Variants in NANP observed in about 807,000 individuals in gnomAD.
The protein encoded by NANP is N-acylneuraminate-9-phosphatase.
A neutral mutation model predicts 16.9 loss-of-function variants in NANP; 15 were observed. That is an observed-to-expected ratio of 0.89 (90% CI 0.59 to 1.37). The LOEUF (loss-of-function observed/expected upper bound fraction) is 1.37. Among genes scored for constraint, NANP ranks in the 40% most tolerant of loss-of-function variants. The probability of loss-of-function intolerance (pLI) is 0.00; values close to 1 mark genes in which losing one functional copy is unlikely to be tolerated. For missense variants in NANP, 290 were observed against 303.5 expected (o/e 0.96, Z 0.33); for synonymous variants, 135 against 112.6 (o/e 1.20, Z -1.26).
intron 1 of NANP, among the ~76,000 whole-genome samples, chr20:25,618,327 T>A (rs961919207): frequency 5.3e-5 from 8 of 152,002 alleles, no homozygotes; most frequent in African/African-American, 1.9e-4. Flanking sequence ...AAAGCGGGTT[T>A]GGGAAGAGAA....
At chr20:25,617,728 G>T (rs1221570813) in intron 1 of NANP, among the ~76,000 whole-genome samples, 2 of 152,184 alleles carry the variant, frequency 1.3e-5, no homozygotes, top group Admixed American at 1.3e-4. Context: ...TGTTGGCCAG[G>T]CTAGCCTCGA....
intron 1 of NANP, among the ~76,000 whole-genome samples, chr20:25,620,707 G>C (rs1001287440): frequency 3.3e-5 from 5 of 152,182 alleles, no homozygotes; most frequent in African/African-American, 1.2e-4. Flanking sequence ...CGGGTTCCAA[G>C]ATAAGGAGTC....
Position 25,623,922 on chromosome 20 carries a change from A to T in NANP, c.27T>A (p.Val9=). 6.2e-7 allele frequency: 1 copy of T among 1,613,290 alleles called. No homozygotes were observed. The highest frequency in any genetic ancestry group is 2.2e-5 in the East Asian group (1 of 44,816). MGLSRVRA[V]FFDLDNTLID... is the part of the protein sequence containing the mutation. Reference sequence around the variant, plus strand: ...TGAGAGTGTTGTCCAAGTCAAAGAAAACCGCCCGCACGCGGCTCAGCCCCA... The same window carrying T: ...TGAGAGTGTTGTCCAAGTCAAAGAATACCGCCCGCACGCGGCTCAGCCCCA... The change falls in exon 1 of 2, where the codon GTT becomes GTA. Residue 9 remains valine (V), a synonymous_variant. Coordinates refer to ENST00000304788, the MANE Select transcript of NANP (RefSeq NM_152667.3).
chr20:25,613,961 T>G lies in NANP; in HGVS notation c.*1964A>C, dbSNP rs1330793522. 2.5e-6 allele frequency: 1 copy of G among 397,460 alleles called. No individual in the cohort carries two copies. The highest frequency in any genetic ancestry group is 4.4e-6 in the Non-Finnish European group (1 of 225,618). 24.6% of individuals were successfully genotyped at this position (397,460 alleles called of 1,614,324 possible). On this transcript the variant is annotated 3_prime_UTR_variant, in exon 2 of 2. Transcript: ENST00000304788. Reference sequence around the variant, plus strand: ...CTATCAGAGCAATCATGCATGTGACTACTTCTGCCAAAATCCTCCAACTTA... The same window carrying G: ...CTATCAGAGCAATCATGCATGTGACGACTTCTGCCAAAATCCTCCAACTTA...
At position 25,616,084 on chromosome 20, in the gene NANP, T is replaced by C; in HGVS notation, c.588A>G (p.Gln196=). Residue 196 remains glutamine (Q), a synonymous_variant, in exon 2 of 2, where the codon CAA becomes CAG. Coordinates refer to ENST00000304788, the MANE Select transcript of NANP (RefSeq NM_152667.3). ...MVGDTLETDI[Q]GGLNAGLKAT... ...CTTTCAATCCTGCATTGAGGCCTCCTTGGATGTCGGTTTCTAATGTGTCAC... is the reference window on the plus strand; with the variant it reads ...CTTTCAATCCTGCATTGAGGCCTCCCTGGATGTCGGTTTCTAATGTGTCAC... 6.2e-7 allele frequency: 1 copy of C among 1,614,196 alleles called. No individual in the cohort carries two copies.
Position 25,615,998 on chromosome 20 carries a change from T to C in NANP, c.674A>G (p.Tyr225Cys). The C allele has an allele frequency of 6.2e-7, 1 of 1,614,244 alleles. No homozygotes were observed. Among genetic ancestry groups the C allele is most frequent in the South Asian group, 1.1e-5 (1 of 91,084 alleles). ...TAACTCTAGCACAGAAGAAACCATG[T>C]AATGCGGAACTGGGGAGGACTTCAG... The part of the protein sequence containing the change: ...VPLKSSPVPH[Y>C]MVSSVLELPA... Residue 225 changes from tyrosine to cysteine, a missense_variant, in exon 2 of 2, where the codon TAC becomes TGC. Transcript: ENST00000304788.
In NANP at chr20:25,615,130, C is replaced by T. The variant is rs2065337664; in HGVS notation, c.*795G>A. On this transcript the variant is annotated 3_prime_UTR_variant, in exon 2 of 2. Transcript: ENST00000304788. ...AAACAGCCTAGCTCCCTCAACCCCA[C>T]TGTGTGTCTGGGAAAAGACAGTAAA... 6.6e-6 allele frequency: 1 copy of T among 152,528 alleles called. No individual in the cohort carries two copies. Among genetic ancestry groups the T allele is most frequent in the Non-Finnish European group, 1.5e-5 (1 of 68,040 alleles). The allele number at this position is 152,528 out of a possible 1,614,324, so 9.4% of individuals were successfully genotyped here.
chr20:25,613,819 C>A lies in NANP; in HGVS notation c.*2106G>T, dbSNP rs2065331354. 5.0e-6 allele frequency: 2 copies of A among 398,538 alleles called. No homozygotes were observed. The highest frequency in any genetic ancestry group is 8.8e-6 in the Non-Finnish European group (2 of 226,042). The allele number at this position is 398,538 out of a possible 1,614,324, so 24.7% of individuals were successfully genotyped here. On this transcript the variant is annotated 3_prime_UTR_variant, in exon 2 of 2. Transcript: ENST00000304788. ...CTAGAAGCTATCCTGTTGAGATTTG[C>A]TACCATGATACAGGAGTGATGAACC... is the stretch of plus-strand genomic sequence containing the variant.
In NANP at chr20:25,623,919, G is replaced by A. The variant is rs1453142144; in HGVS notation, c.30C>T (p.Phe10=). MGLSRVRAV[F]FDLDNTLIDT... ...CGATGAGAGTGTTGTCCAAGTCAAA[G>A]AAAACCGCCCGCACGCGGCTCAGCC... is the stretch of plus-strand genomic sequence containing the variant. Residue 10 remains phenylalanine (F), a synonymous_variant, in exon 1 of 2, where the codon TTC becomes TTT. Coordinates refer to ENST00000304788, the MANE Select transcript of NANP (RefSeq NM_152667.3). The A allele has an allele frequency of 1.9e-6, 3 of 1,613,300 alleles. No individual in the cohort carries two copies. The highest frequency in any genetic ancestry group is 2.7e-5 in the African/African-American group (2 of 74,896).
chr20:25,619,418 G>A (rs2065356660), intron 1 of NANP, among the ~76,000 whole-genome samples: 1 of 151,886 alleles, frequency 6.6e-6, no homozygotes, highest in South Asian at 2.1e-4. Context: ...CACCGTGCCT[G>A]GCTGAAAGGA....
chr20:25,619,139 T>TC (rs1555882033), intron 1 of NANP, among the ~76,000 whole-genome samples: 8 of 148,552 alleles, frequency 5.4e-5, no homozygotes, highest in Non-Finnish European at 7.5e-5. Context: ...TTTTTTTTTT[T>TC]CCCCAAACAG....
In NANP at chr20:25,615,972, G is replaced by A; in HGVS notation, c.700C>T (p.Pro234Ser). The change falls in exon 2 of 2, where the codon CCT (proline) becomes TCT (serine). Residue 234 changes from proline to serine, a missense_variant. By Grantham distance (74) the Pro-to-Ser change is moderately conservative. Coordinates refer to ENST00000304788, the MANE Select transcript of NANP (RefSeq NM_152667.3). ...HYMVSSVLEL[P>S]ALLQSIDCKV... ...CAGTCTATACTTTGTAAGAGAGCAGGTAACTCTAGCACAGAAGAAACCATG... is the reference window on the plus strand; with the variant it reads ...CAGTCTATACTTTGTAAGAGAGCAGATAACTCTAGCACAGAAGAAACCATG... The A allele has an allele frequency of 6.2e-7, 1 of 1,614,114 alleles. No homozygotes were observed. The highest frequency in any genetic ancestry group is 8.5e-7 in the Non-Finnish European group (1 of 1,180,008).
At chr20:25,623,000 T>A (rs931082284) in intron 1 of NANP, among the ~76,000 whole-genome samples, 1 of 152,096 alleles carries the variant, frequency 6.6e-6, no homozygotes, top group African/African-American at 2.4e-5. Context: ...AGAAAACGGA[T>A]GAGGTAGTGG....
intron 1 of NANP, among the ~76,000 whole-genome samples, chr20:25,616,869 G>A (rs1568988187): frequency 1.3e-5 from 2 of 152,078 alleles, no homozygotes; most frequent in African/African-American, 2.4e-5. Context: ...TTTCATTCTG[G>A]TCATGAAGAT....
chr20:25,619,530 T>G (rs768148528), intron 1 of NANP, among the ~76,000 whole-genome samples: 5 of 152,210 alleles, frequency 3.3e-5, no homozygotes, highest in Non-Finnish European at 7.3e-5. Context: ...ATGTAATCAT[T>G]AAGAAAAATC....
In NANP at chr20:25,615,977, T is replaced by G. The variant is rs1172896394; in HGVS notation, c.695A>C (p.Glu232Ala). Residue 232 changes from glutamate (E) to alanine (A), a missense_variant, in exon 2 of 2, where the codon GAG becomes GCG. Physicochemically the swap from Glu to Ala is moderately radical, Grantham distance 107. Coordinates refer to ENST00000304788, the MANE Select transcript of NANP (RefSeq NM_152667.3). ...VPHYMVSSVL[E>A]LPALLQSIDC... is the part of the protein sequence containing the mutation. Reference sequence around the variant, plus strand: ...TATACTTTGTAAGAGAGCAGGTAACTCTAGCACAGAAGAAACCATGTAATG... The same window carrying G: ...TATACTTTGTAAGAGAGCAGGTAACGCTAGCACAGAAGAAACCATGTAATG... 1 of 1,614,178 alleles carries G rather than the reference T, an allele frequency of 6.2e-7. No individual in the cohort carries two copies.
In NANP at chr20:25,616,339, T is replaced by C; in HGVS notation, c.333A>G (p.Ala111=). The C allele has an allele frequency of 1.2e-6, 2 of 1,614,196 alleles. No homozygotes were observed. The highest frequency in any genetic ancestry group is 1.7e-6 in the Non-Finnish European group (2 of 1,180,026). Residue 111 remains alanine, a synonymous_variant, in exon 2 of 2, where the codon GCA becomes GCG. Transcript: ENST00000304788. The part of the protein sequence containing the change: ...KSTRLQHMTL[A]EDVKAMLTEL... The stretch of plus-strand genomic sequence containing the variant: ...CAGTAAGCATGGCTTTGACGTCTTC[T>C]GCTAGTGTCATATGCTGTAAACGTG...
At chr20:25,621,499 T>C (rs2065364037) in intron 1 of NANP, among the ~76,000 whole-genome samples, 1 of 152,226 alleles carries the variant, frequency 6.6e-6, no homozygotes, top group African/African-American at 2.4e-5. Context: ...ATATGACCTC[T>C]TCTCCCCAAG....
chr20:25,623,460 G>C (rs1367479325), intron 1 of NANP, among the ~76,000 whole-genome samples: 2 of 151,934 alleles, frequency 1.3e-5, no homozygotes, highest in Non-Finnish European at 2.9e-5. Context: ...AAGTCGCATG[G>C]GGGACACGAC....
Sources: allele counts gnomAD v4.1 joint callset (sites outside exome capture counted in the v4.1 genomes callset), GRCh38; gene constraint gnomAD v4.1.1; transcripts MANE v1.5; gene names NCBI Gene and HGNC (gene_info 2026-07-23, HGNC 2026-07-21).